HSD17B12: variants seen among roughly 807,000 people sequenced by gnomAD.
HSD17B12 encodes hydroxysteroid 17-beta dehydrogenase 12.
In HSD17B12, 32 loss-of-function variants were observed where a neutral mutation model predicts 39.3. The observed-to-expected ratio is 0.81, with a 90% CI of 0.61 to 1.09. The LOEUF (loss-of-function observed/expected upper bound fraction) is 1.09, where lower values mean the gene tolerates loss of function less well. HSD17B12 is among the 50% of genes least tolerant of loss of function. The probability of loss-of-function intolerance (pLI) is 0.00; values close to 1 mark genes in which losing one functional copy is unlikely to be tolerated. For missense variants in HSD17B12, 342 were observed against 382.9 expected (o/e 0.89, Z 0.89); for synonymous variants, 150 against 146.7 (o/e 1.02, Z -0.16).
chr11:43,849,017 A>G (rs1250766522), intron 9 of HSD17B12, among the ~76,000 whole-genome samples: 3 of 152,160 alleles, frequency 2.0e-5, no homozygotes, highest in African/African-American at 7.2e-5. Flanking sequence ...TTAAAATAAA[A>G]TCCAGCTGGG....
intron 3 of HSD17B12, among the ~76,000 whole-genome samples, chr11:43,777,997 A>G (rs2135003195): frequency 6.6e-6 from 1 of 152,312 alleles, no homozygotes; most frequent in South Asian, 2.1e-4. Flanking sequence ...GCAGAACTGA[A>G]GGAAATAGAG....
At chr11:43,614,702 C>CT in the HSD17B12 span, among the ~76,000 whole-genome samples, 2 of 152,058 alleles carry the variant, frequency 1.3e-5, no homozygotes, top group Non-Finnish European at 2.9e-5. Context: ...ACTTTCTGTG[C>CT]TTTATTTTCT....
chr11:43,762,685 G>A (rs1950564363), intron 3 of HSD17B12, among the ~76,000 whole-genome samples: 1 of 152,200 alleles, frequency 6.6e-6, no homozygotes, highest in African/African-American at 2.4e-5. Context: ...CTGAGGGTAT[G>A]AGCCTTATCA....
the HSD17B12 span, chr11:43,581,598 CT>C: frequency 1.3e-5 from 5 of 387,006 alleles, no homozygotes; most frequent in African/African-American, 6.2e-5. The surrounding 1 kb of genome is among the most constrained non-coding windows in gnomAD (Gnocchi z 4.9). Context: ...AGATTCGGCC[CT>C]TTCCCCCGTC....
At chr11:43,792,192 G>A (rs192436299) in intron 3 of HSD17B12, among the ~76,000 whole-genome samples, 6 of 152,300 alleles carry the variant, frequency 3.9e-5, no homozygotes, top group African/African-American at 1.2e-4. Flanking sequence ...AAGAAGACAG[G>A]AAAAGAAGGG....
At chr11:43,590,183 A>G in the HSD17B12 span, among the ~76,000 whole-genome samples, 1 of 152,058 alleles carries the variant, frequency 6.6e-6, no homozygotes, top group Non-Finnish European at 1.5e-5. Context: ...TTGGAATTTC[A>G]CAAGTGTCCC....
In HSD17B12 at chr11:43,820,685, A is replaced by G. The variant is rs547354747; in HGVS notation, c.501+4294A>G. ...AGAGAGCAACCTCTTCTCACCATCA[A>G]TGTTGGGCCAAGTTTTATCTCCTCA... On this transcript the variant is annotated intron_variant, in intron 6 of 10. Transcript: ENST00000278353. Among the ~76,000 whole-genome samples, 16 of 152,310 alleles carry G rather than the reference A, an allele frequency of 1.1e-4. No homozygotes were observed. In the Middle Eastern group the frequency reaches 0.01, roughly 97 times the overall value.
chr11:43,613,052 A>G, the HSD17B12 span, among the ~76,000 whole-genome samples: 2 of 152,194 alleles, frequency 1.3e-5, no homozygotes, highest in Admixed American at 1.3e-4. Flanking sequence ...GCCCCAGTCA[A>G]GAATTTGGTT....
At chr11:43,584,080 T>C in the HSD17B12 span, among the ~76,000 whole-genome samples, 3 of 152,112 alleles carry the variant, frequency 2.0e-5, no homozygotes, top group Non-Finnish European at 2.9e-5. Flanking sequence ...TTGCATGCCG[T>C]CTTTCTCAGG....
the HSD17B12 span, among the ~76,000 whole-genome samples, chr11:43,650,516 G>C: frequency 6.6e-6 from 1 of 152,156 alleles, no homozygotes; most frequent in Non-Finnish European, 1.5e-5. Context: ...CTGCTGGTGA[G>C]AATATAGAGT....
At chr11:43,606,838 C>T in the HSD17B12 span, among the ~76,000 whole-genome samples, 1 of 152,306 alleles carries the variant, frequency 6.6e-6, no homozygotes, top group African/African-American at 2.4e-5. Context: ...CTTGTCTGTG[C>T]CCCTTCTAGA....
the HSD17B12 span, among the ~76,000 whole-genome samples, chr11:43,583,500 G>A: frequency 2.0e-5 from 3 of 152,174 alleles, no homozygotes; most frequent in African/African-American, 7.2e-5. Flanking sequence ...CTCATTCCGG[G>A]TGGGATCAAA....
chr11:43,559,274 T>C, the HSD17B12 span, among the ~76,000 whole-genome samples: 2 of 152,244 alleles, frequency 1.3e-5, no homozygotes, highest in African/African-American at 2.4e-5. Flanking sequence ...CCTGGAATTA[T>C]AGCCATCTGC....
At chr11:43,592,333 A>G in the HSD17B12 span, among the ~76,000 whole-genome samples, 120 of 152,268 alleles carry the variant, frequency 7.9e-4, no homozygotes, top group Non-Finnish European at 1.4e-3. Flanking sequence ...ATAATAAATT[A>G]AAGTAGTAGA....
chr11:43,638,950 C>T, the HSD17B12 span, among the ~76,000 whole-genome samples: 1 of 152,204 alleles, frequency 6.6e-6, no homozygotes, highest in South Asian at 2.1e-4. Context: ...GTGCTAGCTC[C>T]CCAGTTCCAA....
the HSD17B12 span, among the ~76,000 whole-genome samples, chr11:43,665,982 G>A: frequency 6.6e-6 from 1 of 152,166 alleles, no homozygotes; most frequent in African/African-American, 2.4e-5. Context: ...GTACGCCAAG[G>A]ATATTTTATG....
the HSD17B12 span, among the ~76,000 whole-genome samples, chr11:43,649,154 T>C: frequency 6.6e-6 from 1 of 151,868 alleles, no homozygotes; most frequent in African/African-American, 2.4e-5. Context: ...TGATTATATG[T>C]AGTTTATAAG....
chr11:43,846,690 C>G (rs1951478048), intron 9 of HSD17B12, among the ~76,000 whole-genome samples: 1 of 152,106 alleles, frequency 6.6e-6, no homozygotes. Context: ...AAGAGGAGTC[C>G]TGAAACTTGC....
chr11:43,618,826 G>A, the HSD17B12 span, among the ~76,000 whole-genome samples: 1 of 152,056 alleles, frequency 6.6e-6, no homozygotes, highest in Non-Finnish European at 1.5e-5. Flanking sequence ...GGGACCAAGG[G>A]CCTGAAATAC....
Sources: allele counts gnomAD v4.1 joint callset (sites outside exome capture counted in the v4.1 genomes callset), GRCh38; gene constraint gnomAD v4.1.1; non-coding constraint Gnocchi (gnomAD v3.1); transcripts MANE v1.5; gene names NCBI Gene and HGNC (gene_info 2026-07-23, HGNC 2026-07-21).